The following STARD13 variants were observed in gnomAD, a reference collection of about 807,000 sequenced individuals.
STARD13 encodes the protein StAR related lipid transfer domain containing 13.
A neutral mutation model predicts 106.4 loss-of-function variants in STARD13; 62 were observed. The observed-to-expected ratio is 0.58, with a 90% CI of 0.48 to 0.72. The LOEUF (loss-of-function observed/expected upper bound fraction) is 0.72. STARD13 is among the 30% of genes least tolerant of loss of function. The pLI is 0.00. For synonymous variants in STARD13, 565 were observed against 553.0 expected (o/e 1.02, Z -0.31); for missense variants, 1,387 against 1,424.0 (o/e 0.97, Z 0.42).
At chr13:33,316,590 T>C (rs1893348386) in intron 1 of STARD13, among the ~76,000 whole-genome samples, 1 of 152,234 alleles carries the variant, frequency 6.6e-6, no homozygotes, top group Non-Finnish European at 1.5e-5. Context: ...GGAAGTGATT[T>C]GCCTGCTGTC....
intron 9 of STARD13, among the ~76,000 whole-genome samples, chr13:33,112,233 T>C (rs1038314527): frequency 1.3e-5 from 2 of 152,176 alleles, no homozygotes; most frequent in African/African-American, 2.4e-5. Context: ...TTTGTGTATG[T>C]TTTCCTCCTC....
chr13:33,405,373 C>T, the STARD13 span, among the ~76,000 whole-genome samples: 129 of 152,348 alleles, frequency 8.5e-4, no homozygotes, highest in Admixed American at 1.0e-3. Context: ...CGTAGCCCCT[C>T]ACTTGTGGGT....
the STARD13 span, among the ~76,000 whole-genome samples, chr13:33,478,062 A>C: frequency 6.6e-6 from 1 of 151,886 alleles, no homozygotes; most frequent in Non-Finnish European, 1.5e-5. Context: ...CTGTTTACCA[A>C]CTCCTATTCC....
the STARD13 span, among the ~76,000 whole-genome samples, chr13:33,523,946 T>C: frequency 6.6e-6 from 1 of 152,112 alleles, no homozygotes; most frequent in Non-Finnish European, 1.5e-5. Context: ...AATGAAGAGA[T>C]GAATTGAAGT....
chr13:33,613,199 C>T, the STARD13 span, among the ~76,000 whole-genome samples: 6 of 152,138 alleles, frequency 3.9e-5, no homozygotes, highest in Non-Finnish European at 7.3e-5. Flanking sequence ...TCACATATAT[C>T]ACAACACCCA....
chr13:33,209,613 C>T (rs1315721019), intron 1 of STARD13, among the ~76,000 whole-genome samples: 1 of 152,064 alleles, frequency 6.6e-6, no homozygotes, highest in African/African-American at 2.4e-5. Context: ...AAGTGAGGGA[C>T]CGATATTTCA....
the STARD13 span, among the ~76,000 whole-genome samples, chr13:33,595,520 G>T: frequency 6.6e-6 from 1 of 152,122 alleles, no homozygotes; most frequent in Non-Finnish European, 1.5e-5. Context: ...ATTATAAAAT[G>T]TGTTAATATA....
the STARD13 span, among the ~76,000 whole-genome samples, chr13:33,471,687 T>C: frequency 6.6e-6 from 1 of 151,926 alleles, no homozygotes; most frequent in Non-Finnish European, 1.5e-5. Context: ...GCCAACTGAT[T>C]TCATGCCCAT....
the STARD13 span, among the ~76,000 whole-genome samples, chr13:33,598,660 T>C: frequency 0.17 from 25,966 of 152,216 alleles, 3,140 homozygotes; most frequent in African/African-American, 0.33. Context: ...AAAATATGAG[T>C]GAAGACATCT....
chr13:33,376,066 A>G, the STARD13 span, among the ~76,000 whole-genome samples: 2 of 152,102 alleles, frequency 1.3e-5, no homozygotes, highest in African/African-American at 4.8e-5. Flanking sequence ...TTACTTAAGT[A>G]TGGTTTGACC....
At chr13:33,367,300 TC>T in the STARD13 span, among the ~76,000 whole-genome samples, 1 of 152,218 alleles carries the variant, frequency 6.6e-6, no homozygotes, top group Non-Finnish European at 1.5e-5. Flanking sequence ...TCAATTTATT[TC>T]TAATAAAGCA....
At chr13:33,176,896 G>A (rs987839459) in intron 1 of STARD13, among the ~76,000 whole-genome samples, 1 of 152,054 alleles carries the variant, frequency 6.6e-6, no homozygotes, top group South Asian at 2.1e-4. Context: ...TATAATAGAA[G>A]TTTACAAATT....
the STARD13 span, chr13:33,676,629 T>G: frequency 6.6e-6 from 1 of 152,202 alleles, no homozygotes; most frequent in East Asian, 1.9e-4. Flanking sequence ...CGTCCTCAAA[T>G]TACACTCACA....
intron 1 of STARD13, among the ~76,000 whole-genome samples, chr13:33,236,747 T>C (rs530993522): frequency 2.0e-5 from 3 of 152,338 alleles, no homozygotes; most frequent in Admixed American, 1.3e-4. Context: ...CTTCAATCCC[T>C]TGCGGACAGT....
the STARD13 span, among the ~76,000 whole-genome samples, chr13:33,460,266 T>A: frequency 4.0e-4 from 60 of 151,796 alleles, no homozygotes; most frequent in African/African-American, 1.4e-3. Flanking sequence ...GGCAGGCAGA[T>A]CACGAGGTCA....
intron 1 of STARD13, among the ~76,000 whole-genome samples, chr13:33,256,543 T>TA (rs1890373833): frequency 6.6e-6 from 1 of 152,262 alleles, no homozygotes; most frequent in African/African-American, 2.4e-5. Flanking sequence ...TTCTTCTCTT[T>TA]AAAATTTTTT....
At chr13:33,416,452 A>G in the STARD13 span, among the ~76,000 whole-genome samples, 2 of 152,212 alleles carry the variant, frequency 1.3e-5, no homozygotes, top group African/African-American at 2.4e-5. Context: ...AGTATAGAAG[A>G]GCATAATGTG....
At chr13:33,329,830 C>T (rs911177192) in intron 1 of STARD13, among the ~76,000 whole-genome samples, 7 of 151,388 alleles carry the variant, frequency 4.6e-5, no homozygotes, top group Non-Finnish European at 8.8e-5. Context: ...CAGCCTCCTG[C>T]GTAGCTGGGA....
At chr13:33,287,493 TGCACTTTCCATTCTTATTTA>T (rs1424224017), upstream of STARD13, among the ~76,000 whole-genome samples, 1 of 152,230 alleles carries the variant, frequency 6.6e-6, no homozygotes, top group Non-Finnish European at 1.5e-5. Flanking sequence ...GGCCATACTG[TGCACTTTCCATTCTTATTTA>T]GGATTTGAGC....
Sources: gnomAD v4.1 joint callset for allele counts (sites outside exome capture counted in the v4.1 genomes callset) on GRCh38, gnomAD v4.1.1 for gene constraint, MANE v1.5 for transcripts, NCBI Gene and HGNC (gene_info 2026-07-23, HGNC 2026-07-21) for gene names.